The following CSMD1 variants were observed in gnomAD, a reference collection of about 807,000 sequenced individuals.
The protein encoded by CSMD1 is CUB and sushi domain-containing protein 1.
Under a neutral mutation model 417.5 loss-of-function variants are expected in CSMD1, and 213 were observed. The observed-to-expected ratio is 0.51, with a 90% confidence interval of 0.46 to 0.57. The LOEUF is 0.57. Among genes scored for constraint, CSMD1 ranks in the 20% least tolerant of loss-of-function variants. The pLI is 0.00. For synonymous variants in CSMD1, 2,862 were observed against 1,736.8 expected, an observed-to-expected ratio of 1.65 and a Z score of -16.11; for missense variants, 6,923 against 4,529.7, an observed-to-expected ratio of 1.53 and a Z score of -15.17.
intron 10 of CSMD1, among the ~76,000 whole-genome samples, chr8:3,514,153 C>T (rs1797191607): frequency 6.6e-6 from 1 of 152,174 alleles, no homozygotes. Flanking sequence ...TTCTGTCTCC[C>T]AGGAAGCTGT....
At chr8:4,606,206 T>C (rs906565428) in intron 2 of CSMD1, among the ~76,000 whole-genome samples, 1 of 152,186 alleles carries the variant, frequency 6.6e-6, no homozygotes, top group Non-Finnish European at 1.5e-5. Flanking sequence ...TCAGCACGCC[T>C]TGCAGGTCTA....
intron 2 of CSMD1, among the ~76,000 whole-genome samples, chr8:4,543,863 T>G (rs1372536248): frequency 6.6e-6 from 1 of 152,116 alleles, no homozygotes; most frequent in African/African-American, 2.4e-5. Context: ...TTGTTTCAAT[T>G]TGCAATTCCT....
At chr8:3,904,531 G>A (rs1188201818) in intron 5 of CSMD1, among the ~76,000 whole-genome samples, 2 of 152,110 alleles carry the variant, frequency 1.3e-5, no homozygotes, top group Non-Finnish European at 2.9e-5. Flanking sequence ...ACTGACAGGT[G>A]ATACCAAAGC....
chr8:3,871,072 G>C (rs1048293656), intron 5 of CSMD1, among the ~76,000 whole-genome samples: 2 of 151,762 alleles, frequency 1.3e-5, no homozygotes, highest in African/African-American at 2.4e-5. Context: ...ACTTACGTAT[G>C]TTAAGCCTTA....
intron 1 of CSMD1, among the ~76,000 whole-genome samples, chr8:4,734,102 A>G (rs1810070691): frequency 2.6e-5 from 4 of 152,156 alleles, no homozygotes; most frequent in Admixed American, 6.5e-5. Flanking sequence ...ATAAACATCA[A>G]AAGAGTTTAT....
chr8:4,580,985 ATT>A (rs1262915617), intron 2 of CSMD1, among the ~76,000 whole-genome samples: 1 of 152,228 alleles, frequency 6.6e-6, no homozygotes, highest in Admixed American at 6.5e-5. Context: ...CTCAGTCCTT[ATT>A]CCAGTGCCTC....
chr8:3,570,578 G>C (rs1308311410), intron 10 of CSMD1, among the ~76,000 whole-genome samples: 1 of 152,090 alleles, frequency 6.6e-6, no homozygotes, highest in Non-Finnish European at 1.5e-5. Flanking sequence ...CAGGAAAAAT[G>C]TCAAACACCT....
rs756141932 is a variant in CSMD1, at chr8:3,219,374, A to G, written c.4553T>C (p.Ile1518Thr). The stretch of plus-strand genomic sequence containing the variant: ...GGCCTGAGAGCCCTGGTAACTCCCA[A>G]TGAGGGGGCTGTTGGAATCTTCCCC... ...YEGEDSNSPL[I>T]GSYQGSQAPE... is the part of the protein sequence containing the mutation. The change falls in exon 29 of 70, where the codon ATT becomes ACT. Residue 1518 changes from isoleucine (I) to threonine (T), a missense_variant. By Grantham distance (89) the Ile-to-Thr change is moderately conservative. Transcript: ENST00000635120. The G allele has an allele frequency of 5.1e-6, 8 of 1,569,928 alleles. No individual in the cohort carries two copies. The highest frequency in any genetic ancestry group is 6.9e-6 in the Non-Finnish European group (8 of 1,157,038).
In CSMD1 at chr8:4,877,393, A is replaced by G. The variant is rs1016234984; in HGVS notation, c.85+116939T>C. On this transcript the variant is annotated intron_variant, in intron 1 of 69. Coordinates refer to ENST00000635120, the MANE Select transcript of CSMD1 (RefSeq NM_033225.6). ...ATCATAAAGAACTACAGAAAAAAGG[A>G]GTAATAATTCCATTGTAAAGAAATA... 3.3e-5 allele frequency among the ~76,000 whole-genome samples: 5 copies of G among 152,154 alleles called. 1 individual carries two copies. The highest frequency in any genetic ancestry group is 6.6e-5 in the Admixed American group (1 of 15,260).
At chr8:4,094,925 A>C (rs1409048069) in intron 3 of CSMD1, among the ~76,000 whole-genome samples, 1 of 152,202 alleles carries the variant, frequency 6.6e-6, no homozygotes, top group East Asian at 1.9e-4. Flanking sequence ...TGGGGAAGTC[A>C]TTGAAGGTTT....
intron 14 of CSMD1, 116 bp downstream of exon 14, chr8:3,407,783 A>G: frequency 2.3e-6 from 2 of 881,078 alleles, no homozygotes; most frequent in Non-Finnish European, 1.7e-6. Flanking sequence ...TTTCATAATG[A>G]TTATAAAACC....
intron 55 of CSMD1, among the ~76,000 whole-genome samples, chr8:2,975,092 T>C (rs974256439): frequency 6.6e-6 from 1 of 152,228 alleles, no homozygotes; most frequent in Admixed American, 6.5e-5. Context: ...CTCACATGTC[T>C]AAGAAAACCA....
intron 41 of CSMD1, among the ~76,000 whole-genome samples, chr8:3,141,685 A>G (rs566967997): frequency 2.0e-5 from 3 of 152,258 alleles, no homozygotes; most frequent in African/African-American, 7.2e-5. Flanking sequence ...CAGTTCTGCC[A>G]TCGCACTCGG....
intron 3 of CSMD1, among the ~76,000 whole-genome samples, chr8:4,168,461 T>TA (rs1797581965): frequency 1.3e-5 from 2 of 151,978 alleles, no homozygotes; most frequent in African/African-American, 4.8e-5. Context: ...AACGTATTTT[T>TA]AGAAAAGGGA....
intron 2 of CSMD1, among the ~76,000 whole-genome samples, chr8:4,436,421 T>G (rs907222696): frequency 1.3e-5 from 2 of 152,184 alleles, no homozygotes; most frequent in Admixed American, 1.3e-4. Flanking sequence ...ACAGAGTAGA[T>G]GTGTGTATTT....
chr8:4,064,305 C>A (rs564075472), intron 3 of CSMD1, among the ~76,000 whole-genome samples: 1 of 152,168 alleles, frequency 6.6e-6, no homozygotes, highest in South Asian at 2.1e-4. Context: ...CTGCAATGTT[C>A]CTGGGCTCCA....
intron 5 of CSMD1, among the ~76,000 whole-genome samples, chr8:3,800,718 A>C (rs776087171): frequency 2.6e-5 from 4 of 152,304 alleles, no homozygotes; most frequent in Non-Finnish European, 5.9e-5. Context: ...AGGTAAGAAC[A>C]GTTCTTGAAG....
chr8:3,289,814 G>C (rs1206540484), intron 25 of CSMD1, among the ~76,000 whole-genome samples: 11 of 147,348 alleles, frequency 7.5e-5, no homozygotes. Flanking sequence ...TTGCTGTGCA[G>C]AAGCTCTTTA....
At chr8:4,465,948 C>A (rs182727316) in intron 2 of CSMD1, among the ~76,000 whole-genome samples, 1 of 152,302 alleles carries the variant, frequency 6.6e-6, no homozygotes, top group East Asian at 1.9e-4. Flanking sequence ...AAATTATGTG[C>A]TTCCAATACC....
Sources: gnomAD v4.1 joint callset for allele counts (sites outside exome capture counted in the v4.1 genomes callset) on GRCh38, gnomAD v4.1.1 for gene constraint, MANE v1.5 for transcripts, NCBI Gene and HGNC (gene_info 2026-07-23, HGNC 2026-07-21) for gene names.